Variants in CCDC195 observed in about 807,000 individuals in gnomAD.
CCDC195 encodes coiled-coil domain containing 195, also known as coiled-coil domain-containing protein 195.
At chr2:224,715,828 T>C (rs1689376376) in intron 1 of CCDC195, among the ~76,000 whole-genome samples, 1 of 152,210 alleles carries the variant, frequency 6.6e-6, no homozygotes, top group Non-Finnish European at 1.5e-5. Context: ...AGCATTTAAA[T>C]GGCTGAAGTT....
intron 1 of CCDC195, among the ~76,000 whole-genome samples, chr2:224,711,831 G>C (rs748863701): frequency 6.6e-6 from 1 of 152,158 alleles, no homozygotes; most frequent in East Asian, 1.9e-4. Flanking sequence ...TGAATTGTAG[G>C]AGAGGTCTAG....
At chr2:224,708,693 A>G (rs1157594695) in intron 2 of CCDC195, among the ~76,000 whole-genome samples, 2 of 152,104 alleles carry the variant, frequency 1.3e-5, no homozygotes, top group Non-Finnish European at 2.9e-5. Flanking sequence ...CCTCTTGCTT[A>G]TGGTTATCTC....
exon 2 of CCDC195, chr2:224,710,176 A>G (rs754937833): frequency 7.5e-6 from 3 of 398,610 alleles, no homozygotes; most frequent in Non-Finnish European, 1.3e-5. Flanking sequence ...CAGATGAGCA[A>G]ACTGATGATG....
chr2:224,710,729 G>A (rs1453765906), intron 1 of CCDC195, among the ~76,000 whole-genome samples: 1 of 152,138 alleles, frequency 6.6e-6, no homozygotes, highest in Non-Finnish European at 1.5e-5. Flanking sequence ...TTTAAAAGAT[G>A]GGAATGTGGT....
intron 2 of CCDC195, among the ~76,000 whole-genome samples, chr2:224,708,182 C>A (rs1689252222): frequency 6.6e-6 from 1 of 152,088 alleles, no homozygotes; most frequent in South Asian, 2.1e-4. Context: ...CATATAAAAG[C>A]ATCTGAAGCA....
rs1559320278 is a variant in CCDC195, at chr2:224,707,993, TC to T, written c.482+1979del. Among the ~76,000 whole-genome samples, 195 of 45,866 alleles carry T rather than the reference TC, an allele frequency of 4.3e-3. 1 individual carries two copies. Among genetic ancestry groups the T allele is most frequent in the Non-Finnish European group, 5.6e-3 (162 of 28,824 alleles). The allele number at this position is 45,866 out of a possible 152,430, so 30.1% of individuals were successfully genotyped here. A position where few individuals can be genotyped will look rare whatever the true frequency, so the allele number is the denominator to read the frequency against. ...CTTCTTCCCTCCCTCCCTCCCTCCC[TC>T]CCTCCCTTCCTTCCTTTCTTCCTTC... On this transcript the variant is annotated intron_variant, in intron 2 of 2. Transcript: ENST00000638102.
intron 2 of CCDC195, among the ~76,000 whole-genome samples, chr2:224,704,610 C>CTTTTTTTTTTTTTTTCTTTTT (rs1697215999): frequency 8.1e-5 from 9 of 110,638 alleles, no homozygotes; most frequent in Admixed American, 2.1e-4. Flanking sequence ...CTTTTCTTTT[C>CTTTTTTTTTTTTTTTCTTTTT]TTTTTTTTTT....
chr2:224,713,025 C>T (rs535541352), intron 1 of CCDC195, among the ~76,000 whole-genome samples: 43 of 152,198 alleles, frequency 2.8e-4, no homozygotes, highest in Middle Eastern at 3.4e-3. Context: ...CGTGCCACCA[C>T]GCCCAGCTAA....
chr2:224,703,920 C>T (rs1298475061), intron 2 of CCDC195, 33 bp from the exon 3 acceptor site: 2 of 398,200 alleles, frequency 5.0e-6, no homozygotes, highest in Non-Finnish European at 8.9e-6. Flanking sequence ...AAGAAAAAGA[C>T]TTTTTAGTGA....
intron 2 of CCDC195, among the ~76,000 whole-genome samples, chr2:224,708,350 A>C (rs935208410): frequency 1.3e-5 from 2 of 152,220 alleles, no homozygotes; most frequent in African/African-American, 2.4e-5. Context: ...TATATTCCTT[A>C]GCATTCCACG....
At chr2:224,711,863 G>T (rs1263581564) in intron 1 of CCDC195, among the ~76,000 whole-genome samples, 1 of 152,136 alleles carries the variant, frequency 6.6e-6, no homozygotes, top group African/African-American at 2.4e-5. Flanking sequence ...GTTCAAATCT[G>T]TTTGAAGTGA....
intron 1 of CCDC195, among the ~76,000 whole-genome samples, chr2:224,715,395 A>G (rs1689367221): frequency 6.6e-6 from 1 of 152,172 alleles, no homozygotes; most frequent in Admixed American, 6.5e-5. Flanking sequence ...AAAATGTGAG[A>G]GATTTGATTT....
At position 224,710,225 on chromosome 2, in the gene CCDC195, C is replaced by T; in HGVS notation, c.236-6G>A. 2.5e-6 allele frequency: 1 copy of T among 398,514 alleles called. No individual in the cohort carries two copies. The highest frequency in any genetic ancestry group is 4.4e-6 in the Non-Finnish European group (1 of 226,040). 24.7% of individuals were successfully genotyped at this position (398,514 alleles called of 1,614,324 possible). On this transcript the variant is annotated splice_polypyrimidine_tract_variant and splice_region_variant and intron_variant, in intron 1 of 2. Coordinates refer to ENST00000638102, the Ensembl canonical transcript of CCDC195. ...TCTAACAATCATGACATTGCCTGTACAAAAGACACAAAATCCAACTTAAAA... is the reference window on the plus strand; with the variant it reads ...TCTAACAATCATGACATTGCCTGTATAAAAGACACAAAATCCAACTTAAAA...
chr2:224,710,562 C>T (rs146273281), intron 1 of CCDC195, among the ~76,000 whole-genome samples: 1,720 of 152,250 alleles, frequency 0.011, 41 homozygotes, highest in African/African-American at 0.039. Context: ...TGCTTGAATC[C>T]GGGAGGCAGA....
chr2:224,703,846 A>G (rs977398700), exon 3 of CCDC195: 20 of 398,478 alleles, frequency 5.0e-5, no homozygotes, highest in African/African-American at 3.7e-4. Context: ...ATATGAAGAC[A>G]TGTCCATGGG....
intron 2 of CCDC195, among the ~76,000 whole-genome samples, chr2:224,704,133 C>G (rs1316982842): frequency 6.6e-6 from 1 of 152,150 alleles, no homozygotes; most frequent in Non-Finnish European, 1.5e-5. Context: ...GAGGGAGAGA[C>G]TATATGGCTG....
intron 2 of CCDC195, among the ~76,000 whole-genome samples, chr2:224,708,138 A>G (rs1010939364): frequency 6.6e-6 from 1 of 151,992 alleles, no homozygotes; most frequent in African/African-American, 2.4e-5. Flanking sequence ...TACAGGCTTG[A>G]GCCACCGCAC....
chr2:224,708,217 A>G (rs1271821024), intron 2 of CCDC195, among the ~76,000 whole-genome samples: 1 of 152,172 alleles, frequency 6.6e-6, no homozygotes, highest in African/African-American at 2.4e-5. Flanking sequence ...TTTTGAATCT[A>G]TTGGTGCATG....
intron 1 of CCDC195, among the ~76,000 whole-genome samples, chr2:224,714,771 A>G (rs943882484): frequency 6.6e-6 from 1 of 152,138 alleles, no homozygotes; most frequent in Non-Finnish European, 1.5e-5. Flanking sequence ...CAGTTACTCA[A>G]TCCAGAGTTG....
Sources: allele counts gnomAD v4.1 joint callset (sites outside exome capture counted in the v4.1 genomes callset), GRCh38; gene constraint gnomAD v4.1.1; transcripts MANE v1.5; gene names NCBI Gene and HGNC (gene_info 2026-07-23, HGNC 2026-07-21).